CALHM1: variants seen among roughly 807,000 people sequenced by gnomAD.
CALHM1 encodes calcium homeostasis modulator 1.
Under a neutral mutation model 14.8 loss-of-function variants are expected in CALHM1, and 11 were observed. The observed-to-expected ratio is 0.74, with a 90% CI of 0.47 to 1.23. The LOEUF (loss-of-function observed/expected upper bound fraction) is 1.23. Ranked by LOEUF, CALHM1 falls within the 50% of genes most tolerant of loss-of-function variation. The pLI is 0.00. For missense variants in CALHM1, 458 were observed against 496.4 expected (o/e 0.92, Z 0.74); for synonymous variants, 215 against 218.9 (o/e 0.98, Z 0.16).
chr10:103,456,252 A>G (rs180738332), intron 1 of CALHM1, among the ~76,000 whole-genome samples: 1 of 152,246 alleles, frequency 6.6e-6, no homozygotes, highest in Non-Finnish European at 1.5e-5. Context: ...GCCCTCACTT[A>G]CTTACTGTGC....
rs1323661150 is a variant in CALHM1 at position 103,453,822 on chromosome 10, T to A, written c.*1440A>T. ...AGGGCCCATACCAACTCCTACCTCC[T>A]GGAAGAGCCCTCCCAGCCCACCTTG... On this transcript the variant is annotated 3_prime_UTR_variant, in exon 2 of 2. Transcript: ENST00000329905. The A allele has an allele frequency of 1.3e-5, 2 of 152,112 alleles. No individual in the cohort carries two copies. The highest frequency in any genetic ancestry group is 2.9e-5 in the Non-Finnish European group (2 of 68,034). 9.4% of individuals were successfully genotyped at this position (152,112 alleles called of 1,614,324 possible).
rs202125994 is a variant in CALHM1, at chr10:103,455,235, G to A, written c.*27C>T. On this transcript the variant is annotated 3_prime_UTR_variant, in exon 2 of 2. Transcript: ENST00000329905. Reference sequence around the variant, plus strand: ...GGAGGGGCTGTGGGCTCAGATCCCCGTTCCTGCCTCTTCAGCTGGCCACAC... The same window carrying A: ...GGAGGGGCTGTGGGCTCAGATCCCCATTCCTGCCTCTTCAGCTGGCCACAC... The A allele has an allele frequency of 1.3e-4, 197 of 1,550,132 alleles. 1 individual carries two copies. The East Asian group carries it at 1.7e-3, about 13-fold the overall frequency.
intron 1 of CALHM1, among the ~76,000 whole-genome samples, chr10:103,456,531 G>T (rs1044601005): frequency 7.2e-5 from 11 of 152,244 alleles, no homozygotes; most frequent in Non-Finnish European, 1.6e-4. Flanking sequence ...CCTGGCCCAC[G>T]CTTCAGGGTT....
In CALHM1 at chr10:103,458,652, T is replaced by A. The variant is rs1015895248; in HGVS notation, c.100A>T (p.Met34Leu). The change falls in exon 1 of 2, where the codon ATG becomes TTG. Residue 34 changes from methionine (M) to leucine (L), a missense_variant. Physicochemically the swap from Met to Leu is conservative, Grantham distance 15 (BLOSUM62 2). Transcript: ENST00000329905. This position sits in a 1 kb window ranked among gnomAD's most constrained non-coding sequence, Gnocchi z 4.9. ...CGIMALASAQ[M>L]YSAFDFNCPC... ...CAGTTGAAGTCGAAGGCCGAGTACA[T>A]CTGGGCACTGGCCAGGGCCATGATG... The A allele has an allele frequency of 3.3e-5, 53 of 1,613,866 alleles. No individual in the cohort carries two copies. The highest frequency in any genetic ancestry group is 6.7e-5 in the East Asian group (3 of 44,880).
In CALHM1 at chr10:103,455,450, C is replaced by A. The variant is rs377421132; in HGVS notation, c.853G>T (p.Glu285Ter). The change falls in exon 2 of 2, where the codon GAG becomes TAG. Residue 285 changes from glutamate to a stop codon, truncating the protein, a stop_gained. Transcript: ENST00000329905. LOFTEE classifies it high-confidence loss of function. ...ATGCCACGCAGCTTCTCCCTTTCCT[C>A]CTCCGCACCATCGGGGGTCGTGGGG... is the stretch of plus-strand genomic sequence containing the variant. ...AAPTTPDGAEEEREKLRGITD... is the reference protein window; with the variant it reads ...AAPTTPDGAE 3 of 1,613,930 alleles carry A rather than the reference C, an allele frequency of 1.9e-6. No individual in the cohort carries two copies. The highest frequency in any genetic ancestry group is 2.5e-6 in the Non-Finnish European group (3 of 1,180,002).
intron 1 of CALHM1, among the ~76,000 whole-genome samples, chr10:103,457,699 T>C (rs2033166873): frequency 6.6e-6 from 1 of 152,156 alleles, no homozygotes; most frequent in Admixed American, 6.5e-5. Flanking sequence ...CCAAACTGCC[T>C]TTCCATCACA....
At chr10:103,456,259 G>A (rs948591859) in intron 1 of CALHM1, among the ~76,000 whole-genome samples, 2 of 152,150 alleles carry the variant, frequency 1.3e-5, no homozygotes, top group African/African-American at 4.8e-5. Flanking sequence ...CTTACTTACT[G>A]TGCCTCTTCT....
Position 103,458,638 on chromosome 10 carries a change from G to C in CALHM1, c.114C>G (p.Phe38Leu). ...ALASAQMYSA[F>L]DFNCPCLPGY... is the part of the protein sequence containing the mutation. ...CCGGCAGGCAGGGGCAGTTGAAGTC[G>C]AAGGCCGAGTACATCTGGGCACTGG... is the stretch of plus-strand genomic sequence containing the variant. Residue 38 changes from phenylalanine to leucine, a missense_variant, in exon 1 of 2, where the codon TTC becomes TTG. Transcript: ENST00000329905. This position sits in a 1 kb window ranked among gnomAD's most constrained non-coding sequence, Gnocchi z 4.9. 3 of 1,613,988 alleles carry C rather than the reference G, an allele frequency of 1.9e-6. No individual in the cohort carries two copies. Among genetic ancestry groups the C allele is most frequent in the African/African-American group, 1.3e-5 (1 of 75,058 alleles).
chr10:103,457,071 A>G (rs1425849509), intron 1 of CALHM1, among the ~76,000 whole-genome samples: 6 of 152,224 alleles, frequency 3.9e-5, no homozygotes, highest in Non-Finnish European at 7.3e-5. Context: ...TGCTGGGATT[A>G]CAGACATGAG....
At position 103,458,767 on chromosome 10, in the gene CALHM1, C is replaced by T. The variant is rs781548888; in HGVS notation, c.-16G>A. ...TGTCCATCATGCCCGCTGTGGGGCC[C>T]GGCCTCCTCTTCCCAACTCACTGCT... On this transcript the variant is annotated 5_prime_UTR_variant, in exon 1 of 2. Transcript: ENST00000329905. This position sits in a 1 kb window ranked among gnomAD's most constrained non-coding sequence, Gnocchi z 4.9. The T allele has an allele frequency of 8.8e-6, 14 of 1,584,424 alleles. No individual in the cohort carries two copies. Among genetic ancestry groups the T allele is most frequent in the Admixed American group, 3.4e-5 (2 of 58,628 alleles).
Position 103,455,375 on chromosome 10 carries a change from T to G in CALHM1, c.928A>C (p.Lys310Gln), listed in dbSNP as rs2033132958. 1 of 1,613,806 alleles carries G rather than the reference T, an allele frequency of 6.2e-7. No individual in the cohort carries two copies. Among genetic ancestry groups the G allele is most frequent in the Admixed American group, 1.7e-5 (1 of 60,016 alleles). ...TCCTGGCCCAGCCGCAGAGGCGGTT[T>G]GCATTTGTGCCAGCTCGTGAGCAGC... is the stretch of plus-strand genomic sequence containing the variant. ...NRLLTSWHKC[K>Q]PPLRLGQEEP... The change falls in exon 2 of 2, where the codon AAA (lysine) becomes CAA (glutamine). Residue 310 changes from lysine to glutamine, a missense_variant. Transcript: ENST00000329905.
At position 103,455,430 on chromosome 10, in the gene CALHM1, A is replaced by C. The variant is rs1167774640; in HGVS notation, c.873T>G (p.Arg291=). ...TCATGGTGCCTTGATCCGTGATGCC[A>C]CGCAGCTTCTCCCTTTCCTCCTCCG... ...DGAEEEREKL[R]GITDQGTMNR... is the part of the protein sequence containing the mutation. Residue 291 remains arginine (R), a synonymous_variant, in exon 2 of 2, where the codon CGT becomes CGG. Transcript: ENST00000329905. The C allele has an allele frequency of 9.9e-6, 16 of 1,613,860 alleles. No individual in the cohort carries two copies. In the Middle Eastern group the frequency reaches 4.9e-4, roughly 50 times the overall value.
In CALHM1 at chr10:103,455,392, G is replaced by C; in HGVS notation, c.911C>G (p.Thr304Arg). The change falls in exon 2 of 2, where the codon ACG (threonine) becomes AGG (arginine). Residue 304 changes from threonine to arginine, a missense_variant. Coordinates refer to ENST00000329905, the MANE Select transcript of CALHM1 (RefSeq NM_001001412.4). ...AGGCGGTTTGCATTTGTGCCAGCTCGTGAGCAGCCTGTTCATGGTGCCTTG... is the reference window on the plus strand; with the variant it reads ...AGGCGGTTTGCATTTGTGCCAGCTCCTGAGCAGCCTGTTCATGGTGCCTTG... Reference protein sequence around the residue: ...TDQGTMNRLLTSWHKCKPPLR... With the variant: ...TDQGTMNRLLRSWHKCKPPLR... 1.9e-6 allele frequency: 3 copies of C among 1,613,954 alleles called. No individual in the cohort carries two copies. The highest frequency in any genetic ancestry group is 2.2e-5 in the East Asian group (1 of 44,884).
chr10:103,456,481 G>T (rs1450022917), intron 1 of CALHM1, among the ~76,000 whole-genome samples: 1 of 152,250 alleles, frequency 6.6e-6, no homozygotes, highest in Non-Finnish European at 1.5e-5. Context: ...TTCCAGCTCT[G>T]CTCTGTCACC....
Position 103,458,533 on chromosome 10 carries a change from G to C in CALHM1, c.219C>G (p.Asn73Lys). The change falls in exon 1 of 2, where the codon AAC becomes AAG. Residue 73 changes from asparagine to lysine, a missense_variant. Asn to Lys is a moderately conservative substitution (Grantham distance 94). Coordinates refer to ENST00000329905, the MANE Select transcript of CALHM1 (RefSeq NM_001001412.4). This position sits in a 1 kb window ranked among gnomAD's most constrained non-coding sequence, Gnocchi z 4.9. The part of the protein sequence containing the change: ...VLFLLGLVMN[N>K]NVSMLAEEWK... ...ACTCTTCGGCCAGCATGGACACGTTGTTGTTCATGACCAGGCCAAGCAGAA... is the reference window on the plus strand; with the variant it reads ...ACTCTTCGGCCAGCATGGACACGTTCTTGTTCATGACCAGGCCAAGCAGAA... 2.5e-6 allele frequency: 4 copies of C among 1,613,718 alleles called. No homozygotes were observed. The highest frequency in any genetic ancestry group is 3.4e-6 in the Non-Finnish European group (4 of 1,180,034).
In CALHM1 at chr10:103,458,850, G is replaced by T. The variant is rs1238875130; in HGVS notation, c.-99C>A. ...CCACTGGGTGCCCACCTCATGACTC[G>T]GGCTCTCCTGGCTGGGACCAACAGA... On this transcript the variant is annotated 5_prime_UTR_variant, in exon 1 of 2. Coordinates refer to ENST00000329905, the MANE Select transcript of CALHM1 (RefSeq NM_001001412.4). The surrounding 1 kb of genome is among the most constrained non-coding windows in gnomAD (Gnocchi z 4.9). 8.0e-7 allele frequency: 1 copy of T among 1,244,722 alleles called. No homozygotes were observed. Among genetic ancestry groups the T allele is most frequent in the African/African-American group, 1.5e-5 (1 of 66,208 alleles). The allele number at this position is 1,244,722 out of a possible 1,614,324, so 77.1% of individuals were successfully genotyped here.
chr10:103,456,633 G>C (rs1017494626), intron 1 of CALHM1, among the ~76,000 whole-genome samples: 3 of 152,208 alleles, frequency 2.0e-5, no homozygotes, highest in Non-Finnish European at 4.4e-5. Flanking sequence ...GGTCGTGACA[G>C]AGCACACGGG....
chr10:103,458,403 C>G lies in CALHM1; in HGVS notation c.349G>C (p.Val117Leu), dbSNP rs41317256. The G allele has an allele frequency of 6.2e-7, 1 of 1,608,714 alleles. No homozygotes were observed. Among genetic ancestry groups the G allele is most frequent in the Non-Finnish European group, 8.5e-7 (1 of 1,176,800 alleles). The change falls in exon 1 of 2, where the codon GTC (valine) becomes CTC (leucine). Residue 117 changes from valine to leucine, a missense_variant. By Grantham distance (32) the Val-to-Leu change is conservative. Coordinates refer to ENST00000329905, the MANE Select transcript of CALHM1 (RefSeq NM_001001412.4). This position sits in a 1 kb window ranked among gnomAD's most constrained non-coding sequence, Gnocchi z 4.9. ...ALIAPVVWVA[V>L]TLLDGKCFLC... The stretch of plus-strand genomic sequence containing the variant: ...AAGCATTTGCCGTCGAGTAGCGTGA[C>G]GGCCACCCAGACGACAGGCGCGATG...
intron 1 of CALHM1, among the ~76,000 whole-genome samples, chr10:103,456,859 T>C (rs759182369): frequency 9.2e-5 from 14 of 152,232 alleles, no homozygotes; most frequent in Non-Finnish European, 1.9e-4. Context: ...CACAATTACA[T>C]TTCACTGCAG....
Sources: allele counts gnomAD v4.1 joint callset (sites outside exome capture counted in the v4.1 genomes callset), GRCh38; gene constraint gnomAD v4.1.1; non-coding constraint Gnocchi (gnomAD v3.1); transcripts MANE v1.5; gene names NCBI Gene and HGNC (gene_info 2026-07-23, HGNC 2026-07-21).